The following EBF1 variants were observed in gnomAD, a reference collection of about 807,000 sequenced individuals.
EBF1 encodes transcription factor COE1.
Under a neutral mutation model 68.4 loss-of-function variants are expected in EBF1, and 10 were observed. That is an observed-to-expected ratio of 0.15 (90% CI 0.09 to 0.25). EBF1 has a LOEUF of 0.25. Among genes scored for constraint, EBF1 ranks in the 10% least tolerant of loss-of-function variants. EBF1 has a pLI of 1.00. For missense variants in EBF1, 509 were observed against 794.4 expected (o/e 0.64, Z 4.32); for synonymous variants, 298 against 299.8 (o/e 0.99, Z 0.06).
At chr5:158,763,893 T>G (rs1302350004) in intron 10 of EBF1, among the ~76,000 whole-genome samples, 2 of 152,188 alleles carry the variant, frequency 1.3e-5, no homozygotes, top group South Asian at 4.1e-4. Flanking sequence ...AGCTGCCTCC[T>G]CTACAAAATG....
At position 158,707,853 on chromosome 5, in the gene EBF1, G is replaced by A. The variant is rs149547321; in HGVS notation, c.1744+126C>T. The A allele has an allele frequency of 8.7e-5, 102 of 1,171,660 alleles. No homozygotes were observed. In the African/African-American group the frequency reaches 1.5e-3, roughly 17 times the overall value. The allele number at this position is 1,171,660 out of a possible 1,614,324, so 72.6% of individuals were successfully genotyped here. ...AAATACAAAGGAACAGAAGAGATGAGGGCAGAGAGAATCAGGCAGGGCCCA... is the reference window on the plus strand; with the variant it reads ...AAATACAAAGGAACAGAAGAGATGAAGGCAGAGAGAATCAGGCAGGGCCCA... On this transcript the variant is annotated intron_variant, in intron 15 of 15. Transcript: ENST00000313708.
chr5:159,004,785 G>T (rs1763235954), intron 6 of EBF1, among the ~76,000 whole-genome samples: 1 of 152,146 alleles, frequency 6.6e-6, no homozygotes, highest in Admixed American at 6.5e-5. Flanking sequence ...GTGAAGGAAG[G>T]CTAAGAGTCT....
chr5:158,924,852 CAAAA>C (rs34744460), intron 6 of EBF1, among the ~76,000 whole-genome samples: 2 of 50,894 alleles, frequency 3.9e-5, no homozygotes, highest in African/African-American at 1.5e-4. Flanking sequence ...GACTCTGTCT[CAAAA>C]AAAAAAAAAA....
At chr5:158,775,776 GCACACAGA>G (rs1318243320) in intron 10 of EBF1, among the ~76,000 whole-genome samples, 4 of 56,034 alleles carry the variant, frequency 7.1e-5, no homozygotes, top group East Asian at 5.5e-4. Flanking sequence ...ACACACACAT[GCACACAGA>G]CACACACACA....
intron 6 of EBF1, among the ~76,000 whole-genome samples, chr5:158,910,546 T>A (rs1178268043): frequency 6.6e-6 from 1 of 152,228 alleles, no homozygotes; most frequent in East Asian, 1.9e-4. Flanking sequence ...GTATGTTGAA[T>A]CTCTGTAGCA....
chr5:158,927,232 C>T (rs950138594), intron 6 of EBF1, among the ~76,000 whole-genome samples: 14 of 152,154 alleles, frequency 9.2e-5, no homozygotes, highest in South Asian at 4.2e-4. Flanking sequence ...TGCAGAATGG[C>T]GAATAGTAAG....
intron 6 of EBF1, among the ~76,000 whole-genome samples, chr5:159,064,744 T>C (rs1776463616): frequency 6.6e-6 from 1 of 152,114 alleles, no homozygotes; most frequent in South Asian, 2.1e-4. Context: ...TATCTAACAT[T>C]AGAATCTGGC....
intron 6 of EBF1, among the ~76,000 whole-genome samples, chr5:158,844,884 C>T (rs1489930428): frequency 1.2e-4 from 18 of 152,138 alleles, no homozygotes; most frequent in Admixed American, 1.2e-3. Context: ...AACAAAATTG[C>T]TTGTTCAATG....
At chr5:158,808,408 C>T (rs1053764397) in intron 8 of EBF1, among the ~76,000 whole-genome samples, 1 of 152,160 alleles carries the variant, frequency 6.6e-6, no homozygotes, top group African/African-American at 2.4e-5. Flanking sequence ...GCTTTCAAAA[C>T]TTAGCCAGCG....
chr5:159,096,646 G>T, intron 2 of EBF1: 1 of 612,504 alleles, frequency 1.6e-6, no homozygotes, highest in Non-Finnish European at 2.9e-6. Context: ...TCTTTCCAGG[G>T]CCTAGGGGCT....
chr5:158,837,566 C>T (rs1035257064), intron 7 of EBF1, among the ~76,000 whole-genome samples: 2 of 152,154 alleles, frequency 1.3e-5, no homozygotes, highest in African/African-American at 2.4e-5. Context: ...ATCTCAGCAG[C>T]CTTTCTACTA....
intron 6 of EBF1, among the ~76,000 whole-genome samples, chr5:159,059,256 C>T (rs937408897): frequency 1.3e-5 from 2 of 152,082 alleles, no homozygotes; most frequent in Non-Finnish European, 2.9e-5. Context: ...TACCAAACTT[C>T]CAGGATAGAT....
chr5:159,046,414 C>A (rs1772408159), intron 6 of EBF1, among the ~76,000 whole-genome samples: 1 of 152,136 alleles, frequency 6.6e-6, no homozygotes, highest in African/African-American at 2.4e-5. Context: ...GACAAAAATC[C>A]TACTTATTAA....
In EBF1 at chr5:159,082,175, A is replaced by G. The variant is rs148853053; in HGVS notation, c.485+2491T>C. 1.6e-3 allele frequency among the ~76,000 whole-genome samples: 237 copies of G among 152,086 alleles called. 1 individual carries two copies. The highest frequency in any genetic ancestry group is 5.3e-3 in the African/African-American group (221 of 41,490). ...TTTGCCTGCAACAAAACAGAATCAT[A>G]CCAAGCCTTGTCTTGTCGATCTAAA... On this transcript the variant is annotated intron_variant, in intron 5 of 15. Transcript: ENST00000313708.
intron 10 of EBF1, among the ~76,000 whole-genome samples, chr5:158,745,098 G>A (rs778113860): frequency 6.6e-6 from 1 of 152,166 alleles, no homozygotes; most frequent in African/African-American, 2.4e-5. Context: ...TTGGATGTTG[G>A]TGGTCTTAAT....
chr5:158,957,056 G>GA (rs1817283282), intron 6 of EBF1, among the ~76,000 whole-genome samples: 1 of 152,022 alleles, frequency 6.6e-6, no homozygotes, highest in Non-Finnish European at 1.5e-5. Context: ...CACTTCTAAT[G>GA]AAAAATGCTA....
chr5:158,833,747 C>T (rs1395326830), intron 7 of EBF1, among the ~76,000 whole-genome samples: 1 of 152,226 alleles, frequency 6.6e-6, no homozygotes, highest in Non-Finnish European at 1.5e-5. Flanking sequence ...GGAACACCTG[C>T]CTTGTACCAT....
intron 6 of EBF1, among the ~76,000 whole-genome samples, chr5:158,947,378 A>G (rs1272956317): frequency 6.6e-6 from 1 of 152,208 alleles, no homozygotes; most frequent in Non-Finnish European, 1.5e-5. Flanking sequence ...GGCAAAGCAT[A>G]GTATCTGGGC....
At chr5:159,092,240 G>T (rs1781779354) in intron 4 of EBF1, among the ~76,000 whole-genome samples, 2 of 152,104 alleles carry the variant, frequency 1.3e-5, no homozygotes, top group Admixed American at 6.6e-5. Flanking sequence ...CTCACTAATG[G>T]AATACCAAAA....
Sources: allele counts gnomAD v4.1 joint callset (sites outside exome capture counted in the v4.1 genomes callset), GRCh38; gene constraint gnomAD v4.1.1; transcripts MANE v1.5; gene names NCBI Gene and HGNC (gene_info 2026-07-23, HGNC 2026-07-21).